GLRA2: variants seen among roughly 807,000 people sequenced by gnomAD.
The protein encoded by GLRA2 is glycine receptor subunit alpha-2.
A neutral mutation model predicts 31.6 loss-of-function variants in GLRA2; 11 were observed. The observed-to-expected ratio is 0.35, with a 90% CI of 0.22 to 0.58. GLRA2 has a LOEUF of 0.58. Ranked by LOEUF, GLRA2 falls within the 20% of genes least tolerant of loss-of-function variation. GLRA2 has a pLI of 0.84. For synonymous variants in GLRA2, 132 were observed against 134.0 expected (o/e 0.99, Z 0.10); for missense variants, 212 against 351.8 (o/e 0.60, Z 3.18).
In GLRA2 at chrX:14,574,451, G is replaced by C. The variant is rs2089925775; in HGVS notation, c.270+51G>C. On this transcript the variant is annotated intron_variant, in intron 3 of 8. Coordinates refer to ENST00000218075, the MANE Select transcript of GLRA2 (RefSeq NM_002063.4). ...GAGAAAGACACAACTCAATTATGCT[G>C]TGAACACAAACTGTCAAATTTTCTA... 3 of 1,159,092 alleles carry C rather than the reference G, an allele frequency of 2.6e-6. No individual in the cohort carries two copies. In the African/African-American group the frequency reaches 5.3e-5, roughly 20 times the overall value.
At chrX:14,688,844 C>T (rs1271069179) in intron 7 of GLRA2, among the ~76,000 whole-genome samples, 15 of 111,208 alleles carry the variant, frequency 1.3e-4, no homozygotes, top group South Asian at 3.8e-4. Context: ...GTGAGATGAA[C>T]GTGGTACCTC....
chrX:14,566,620 C>T lies in GLRA2; in HGVS notation c.203-7713C>T, dbSNP rs191587971. 9.8e-5 allele frequency among the ~76,000 whole-genome samples: 11 copies of T among 111,723 alleles called. No individual in the cohort carries two copies. The East Asian group carries it at 3.1e-3, about 32-fold the overall frequency. ...AGGGCTCAGTCACCCTTGACATAGT[C>T]TCATATTCTTCTTCCCACCTGAATG... On this transcript the variant is annotated intron_variant, in intron 2 of 8. Transcript: ENST00000218075.
At chrX:14,604,234 C>A in intron 4 of GLRA2, 81 bp from the exon 5 acceptor site, 1 of 548,503 alleles carries the variant, frequency 1.8e-6, no homozygotes, top group Non-Finnish European at 3.1e-6. Flanking sequence ...TTGCTTAATG[C>A]CAAGTGTATT....
At chrX:14,608,403 T>C (rs910956762) in intron 6 of GLRA2, among the ~76,000 whole-genome samples, 1 of 111,722 alleles carries the variant, frequency 9.0e-6, no homozygotes, top group Admixed American at 9.5e-5. Context: ...GACTAGACTA[T>C]ACACTGGCTT....
At chrX:14,582,321 G>T (rs2090030289) in intron 4 of GLRA2, among the ~76,000 whole-genome samples, 1 of 106,117 alleles carries the variant, frequency 9.4e-6, no homozygotes, top group African/African-American at 3.5e-5. Flanking sequence ...GCGGTGTTTG[G>T]TTTTTTCTTC....
At chrX:14,513,539 A>G in the GLRA2 span, among the ~76,000 whole-genome samples, 3 of 112,000 alleles carry the variant, frequency 2.7e-5, no homozygotes, top group Non-Finnish European at 5.6e-5. Flanking sequence ...AATATTCAGA[A>G]TGCACAAGGA....
chrX:14,567,574 A>G (rs934486506), intron 2 of GLRA2, among the ~76,000 whole-genome samples: 1 of 112,528 alleles, frequency 8.9e-6, no homozygotes, highest in Non-Finnish European at 1.9e-5. Flanking sequence ...AAGATCAGAA[A>G]TAAGACAATA....
intron 3 of GLRA2, among the ~76,000 whole-genome samples, chrX:14,579,421 C>G (rs958463346): frequency 1.8e-5 from 2 of 110,853 alleles, no homozygotes; most frequent in African/African-American, 6.6e-5. Flanking sequence ...CCTGCGCCTC[C>G]TGGGTTCAAG....
chrX:14,651,203 C>T (rs2090886589), intron 7 of GLRA2, among the ~76,000 whole-genome samples: 1 of 111,374 alleles, frequency 9.0e-6, no homozygotes, highest in Non-Finnish European at 1.9e-5. Context: ...TGCAAAAGAA[C>T]TTGTAGGGCT....
the GLRA2 span, among the ~76,000 whole-genome samples, chrX:14,509,381 A>G: frequency 8.8e-6 from 1 of 113,106 alleles, no homozygotes; most frequent in South Asian, 3.6e-4. Flanking sequence ...TAGTTTAAGT[A>G]AACATGATAA....
the GLRA2 span, among the ~76,000 whole-genome samples, chrX:14,459,087 A>G: frequency 8.9e-6 from 1 of 112,105 alleles, no homozygotes; most frequent in Non-Finnish European, 1.9e-5. Context: ...AGCTTTCTGC[A>G]TATAGCTAGC....
chrX:14,451,715 G>A, the GLRA2 span, among the ~76,000 whole-genome samples: 204 of 103,492 alleles, frequency 2.0e-3, 1 homozygote, highest in African/African-American at 6.9e-3. Flanking sequence ...ACTATATGCC[G>A]TCTTCAAGAG....
intron 7 of GLRA2, among the ~76,000 whole-genome samples, chrX:14,631,419 G>A (rs2090645181): frequency 2.7e-5 from 3 of 111,165 alleles, no homozygotes; most frequent in African/African-American, 9.8e-5. Flanking sequence ...TTAATCATGT[G>A]TGTTAATTTC....
In GLRA2 at chrX:14,585,156, A is replaced by G. The variant is rs749287490; in HGVS notation, c.494+3750A>G. Among the ~76,000 whole-genome samples, 5 of 111,545 alleles carry G rather than the reference A, an allele frequency of 4.5e-5. No homozygotes were observed. In the South Asian group the frequency reaches 1.9e-3, roughly 42 times the overall value. On this transcript the variant is annotated intron_variant, in intron 4 of 8. Coordinates refer to ENST00000218075, the MANE Select transcript of GLRA2 (RefSeq NM_002063.4). ...AAATCAAAATAAAAAACCTTGGTAAAGGAGAATTGGGGATATCATTTTAAG... is the reference window on the plus strand; with the variant it reads ...AAATCAAAATAAAAAACCTTGGTAAGGGAGAATTGGGGATATCATTTTAAG...
intron 7 of GLRA2, among the ~76,000 whole-genome samples, chrX:14,611,422 AGT>A (rs2090395708): frequency 8.8e-6 from 1 of 113,120 alleles, no homozygotes; most frequent in Non-Finnish European, 1.9e-5. Context: ...ATTTTCTTTC[AGT>A]CTTTTTTCCA....
At chrX:14,704,148 AC>A (rs1197188266) in intron 8 of GLRA2, among the ~76,000 whole-genome samples, 1 of 112,078 alleles carries the variant, frequency 8.9e-6, no homozygotes, top group African/African-American at 3.2e-5. Flanking sequence ...CAAGTGTCAA[AC>A]AATGGTTTAT....
chrX:14,681,913 A>ATATATATATATATATATATAAG (rs1181280207), intron 7 of GLRA2, among the ~76,000 whole-genome samples: 1 of 59,815 alleles, frequency 1.7e-5, no homozygotes. Context: ...AAAAAAAAAT[A>ATATATATATATATATATATAAG]TATATATATA....
intron 2 of GLRA2, among the ~76,000 whole-genome samples, chrX:14,548,516 G>A (rs1041997219): frequency 2.7e-5 from 3 of 111,607 alleles, no homozygotes; most frequent in Non-Finnish European, 5.7e-5. Context: ...AAAGTAGAGG[G>A]TGATTCAAAG....
chrX:14,710,677 G>A (rs1208702600), intron 8 of GLRA2, among the ~76,000 whole-genome samples: 1 of 111,755 alleles, frequency 8.9e-6, no homozygotes. Flanking sequence ...GATTATATTA[G>A]AACAGGGTTT....
Sources: allele counts gnomAD v4.1 joint callset (sites outside exome capture counted in the v4.1 genomes callset), GRCh38; gene constraint gnomAD v4.1.1; transcripts MANE v1.5; gene names NCBI Gene and HGNC (gene_info 2026-07-23, HGNC 2026-07-21).